DEDD2: variants seen among roughly 807,000 people sequenced by gnomAD.
DEDD2 encodes death effector domain containing 2.
Under a neutral mutation model 28.9 loss-of-function variants are expected in DEDD2, and 18 were observed. That is an observed-to-expected ratio of 0.62 (90% CI 0.43 to 0.92). The LOEUF (loss-of-function observed/expected upper bound fraction) is 0.92. Ranked by LOEUF, DEDD2 falls within the 40% of genes least tolerant of loss-of-function variation. The probability of loss-of-function intolerance (pLI) is 0.00; values close to 1 mark genes in which losing one functional copy is unlikely to be tolerated. For synonymous variants in DEDD2, 211 were observed against 206.1 expected (o/e 1.02, Z -0.20); for missense variants, 411 against 463.3 (o/e 0.89, Z 1.04).
chr19:42,210,486 C>G (rs1206217928), intron 3 of DEDD2, among the ~76,000 whole-genome samples: 1 of 151,936 alleles, frequency 6.6e-6, no homozygotes, highest in Non-Finnish European at 1.5e-5. Context: ...CTCCGCCTCC[C>G]GGGTTCAAGC....
intron 3 of DEDD2, among the ~76,000 whole-genome samples, chr19:42,212,355 G>A (rs2035804258): frequency 6.6e-6 from 1 of 151,978 alleles, no homozygotes; most frequent in African/African-American, 2.4e-5. Context: ...GACAGAGTGA[G>A]ACTCCATCTC....
chr19:42,217,241 C>A (rs2036017212), intron 1 of DEDD2, among the ~76,000 whole-genome samples, 196 bp from the exon 2 acceptor site: 1 of 152,042 alleles, frequency 6.6e-6, no homozygotes, highest in African/African-American at 2.4e-5. Context: ...ACGCCGGAGC[C>A]CGCTCGGCTT....
intron 4 of DEDD2, among the ~76,000 whole-genome samples, chr19:42,205,312 T>C (rs2035487978): frequency 6.6e-6 from 1 of 152,204 alleles, no homozygotes; most frequent in Non-Finnish European, 1.5e-5. Context: ...AAGGAGTTAC[T>C]AATCTTTTTT....
intron 4 of DEDD2, among the ~76,000 whole-genome samples, chr19:42,208,639 G>A (rs775727773): frequency 6.6e-6 from 1 of 152,164 alleles, no homozygotes; most frequent in Non-Finnish European, 1.5e-5. Context: ...CGTGGCCCGC[G>A]AGGCCAAGCT....
chr19:42,203,920 C>G (rs2035428834), intron 4 of DEDD2, among the ~76,000 whole-genome samples: 1 of 152,224 alleles, frequency 6.6e-6, no homozygotes, highest in Non-Finnish European at 1.5e-5. Flanking sequence ...GAAGAGCACC[C>G]AGCACCATGT....
At chr19:42,211,728 G>C (rs1204758260) in intron 3 of DEDD2, among the ~76,000 whole-genome samples, 1 of 152,116 alleles carries the variant, frequency 6.6e-6, no homozygotes, top group African/African-American at 2.4e-5. Context: ...TAAGAGGAAA[G>C]ACTTTTAGTA....
chr19:42,208,541 G>A (rs2035622302), intron 4 of DEDD2, among the ~76,000 whole-genome samples: 1 of 152,204 alleles, frequency 6.6e-6, no homozygotes, highest in African/African-American at 2.4e-5. Flanking sequence ...AGAGTTCCCT[G>A]AAGAGGAATC....
intron 4 of DEDD2, among the ~76,000 whole-genome samples, chr19:42,202,233 C>A (rs772510268): frequency 3.3e-5 from 5 of 152,186 alleles, no homozygotes; most frequent in Admixed American, 6.5e-5. Flanking sequence ...ATGGCCCTCA[C>A]CCAGGCCTTC....
In DEDD2 at chr19:42,202,822, A is replaced by T. The variant is rs190488216; in HGVS notation, c.590-2993T>A. 6.6e-5 allele frequency among the ~76,000 whole-genome samples: 10 copies of T among 152,314 alleles called. No individual in the cohort carries two copies. The East Asian group carries it at 1.9e-3, about 29-fold the overall frequency. The stretch of plus-strand genomic sequence containing the variant: ...CACCTCTGAGCTGGAAAACATGATC[A>T]TGGTGCACAGGGAAAAGACAGGGAG... On this transcript the variant is annotated intron_variant, in intron 4 of 4. Coordinates refer to ENST00000596251, the MANE Select transcript of DEDD2 (RefSeq NM_133328.4).
At position 42,199,245 on chromosome 19, in the gene DEDD2, A is replaced by C; in HGVS notation, c.*193T>G. 1.2e-6 allele frequency: 1 copy of C among 863,422 alleles called. No homozygotes were observed. The highest frequency in any genetic ancestry group is 1.7e-6 in the Non-Finnish European group (1 of 586,726). The allele number at this position is 863,422 out of a possible 1,614,324, so 53.5% of individuals were successfully genotyped here. ...GGGGGTAGGAGGAGTCTGGGAAGGA[A>C]ACTCAGCTGGAAATGGTTTAGGCCT... On this transcript the variant is annotated 3_prime_UTR_variant, in exon 5 of 5. Coordinates refer to ENST00000596251, the MANE Select transcript of DEDD2 (RefSeq NM_133328.4). This position sits in a 1 kb window ranked among gnomAD's most constrained non-coding sequence, Gnocchi z 7.4.
At position 42,215,227 on chromosome 19, in the gene DEDD2, G is replaced by A. The variant is rs749655523; in HGVS notation, c.354C>T (p.Gly118=). ...RPVSPERYSY[G]TSSSSKRTEG... ...CTGTCCTCTTTGAAGAGCTGGAGGT[G>A]CCATAGCTATAGCGTTCTGGAGACA... The change falls in exon 3 of 5, where the codon GGC becomes GGT. Residue 118 remains glycine (G), a synonymous_variant. Transcript: ENST00000596251. 1.4e-5 allele frequency: 23 copies of A among 1,613,598 alleles called. No homozygotes were observed. Among genetic ancestry groups the A allele is most frequent in the Non-Finnish European group, 1.9e-5 (22 of 1,179,870 alleles).
intron 4 of DEDD2, among the ~76,000 whole-genome samples, chr19:42,203,697 G>A (rs774188217): frequency 6.6e-6 from 1 of 152,236 alleles, no homozygotes; most frequent in African/African-American, 2.4e-5. Flanking sequence ...AAGGAAAGAG[G>A]GGAGGCCAGG....
chr19:42,216,848 C>T lies in DEDD2; in HGVS notation c.160G>A (p.Gly54Ser), dbSNP rs1366100570. ...LLAFLLDEAP[G>S]AAGGLARARS... is the part of the protein sequence containing the mutation. ...GCCCGGGCTAAGCCTCCGGCGGCGC[C>T]AGGAGCCTCATCCAGCAGAAAGGCC... The change falls in exon 2 of 5, where the codon GGC (glycine) becomes AGC (serine). Residue 54 changes from glycine (G) to serine (S), a missense_variant. Physicochemically the swap from Gly to Ser is moderately conservative, Grantham distance 56. Transcript: ENST00000596251. The T allele has an allele frequency of 2.5e-6, 4 of 1,590,114 alleles. No individual in the cohort carries two copies. The African/African-American group carries it at 4.0e-5, about 16-fold the overall frequency.
At chr19:42,206,381 C>G (rs2035535717) in intron 4 of DEDD2, among the ~76,000 whole-genome samples, 1 of 152,176 alleles carries the variant, frequency 6.6e-6, no homozygotes, top group African/African-American at 2.4e-5. Context: ...AAATCTCTCT[C>G]TTGGCTTTCT....
chr19:42,215,170 G>C lies in DEDD2; in HGVS notation c.411C>G (p.Ser137Arg), dbSNP rs763970497. The change falls in exon 3 of 5, where the codon AGC (serine) becomes AGG (arginine). Residue 137 changes from serine to arginine, a missense_variant. Physicochemically the swap from Ser to Arg is moderately radical, Grantham distance 110. Around this residue, in one of 2 missense-constraint regions of DEDD2, gnomAD observed 282 missense variants for 273.4 expected, o/e 1.03. Coordinates refer to ENST00000596251, the MANE Select transcript of DEDD2 (RefSeq NM_133328.4). Reference protein sequence around the residue: ...EGSCRRRRQSSSSANSQQGQW... With the variant: ...EGSCRRRRQSRSSANSQQGQW... The stretch of plus-strand genomic sequence containing the variant: ...GACCCTGCTGAGAATTTGCAGAACT[G>C]CTTGACTGCCGACGGCGACGGCAGC... 8 of 1,614,154 alleles carry C rather than the reference G, an allele frequency of 5.0e-6. No homozygotes were observed. The highest frequency in any genetic ancestry group is 4.2e-6 in the Non-Finnish European group (5 of 1,180,040).
chr19:42,199,797 C>A lies in DEDD2; in HGVS notation c.622G>T (p.Glu208Ter). Residue 208 changes from glutamate (E) to a stop codon, truncating the protein, a stop_gained, in exon 5 of 5, where the codon GAG becomes TAG. Coordinates refer to ENST00000596251, the MANE Select transcript of DEDD2 (RefSeq NM_133328.4). LOFTEE classifies it high-confidence loss of function. This position sits in a 1 kb window ranked among gnomAD's most constrained non-coding sequence, Gnocchi z 7.4. ...IRLRVRAEYC[E>*]HGPALEQGVA... The stretch of plus-strand genomic sequence containing the variant: ...CCCTGCTCCAAGGCTGGCCCATGCT[C>A]GCAGTACTCTGCTCGAACCCGGAGC... The A allele has an allele frequency of 6.2e-7, 1 of 1,603,728 alleles. No individual in the cohort carries two copies. The highest frequency in any genetic ancestry group is 1.7e-5 in the Admixed American group (1 of 58,320).
intron 4 of DEDD2, 40 bp downstream of exon 4, chr19:42,209,660 G>A (rs1447927832): frequency 1.3e-6 from 2 of 1,578,854 alleles, no homozygotes; most frequent in African/African-American, 2.8e-5. Context: ...AACCCACCCG[G>A]GGCACTCTAC....
chr19:42,205,175 G>A (rs1040715917), intron 4 of DEDD2, among the ~76,000 whole-genome samples: 1 of 152,152 alleles, frequency 6.6e-6, no homozygotes, highest in African/African-American at 2.4e-5. Context: ...AATGCCACAG[G>A]ACAACTGCTT....
chr19:42,211,376 C>A (rs984501033), intron 3 of DEDD2, among the ~76,000 whole-genome samples: 7 of 146,258 alleles, frequency 4.8e-5, no homozygotes, highest in Non-Finnish European at 1.0e-4. Context: ...CAGAGCTAGA[C>A]CCTCAAAGGG....
Sources: allele counts gnomAD v4.1 joint callset (sites outside exome capture counted in the v4.1 genomes callset), GRCh38; gene constraint gnomAD v4.1.1; regional missense constraint gnomAD v4.1.1; non-coding constraint Gnocchi (gnomAD v3.1); transcripts MANE v1.5; gene names NCBI Gene and HGNC (gene_info 2026-07-23, HGNC 2026-07-21).